Variants in FGF12 observed in about 807,000 individuals in gnomAD.
FGF12 encodes the protein fibroblast growth factor 12.
FGF12 carries 14 observed loss-of-function variants against 23.6 expected under a neutral mutation model. The observed-to-expected ratio is 0.59, with a 90% confidence interval of 0.39 to 0.93. The LOEUF (loss-of-function observed/expected upper bound fraction) is 0.93. FGF12 is among the 40% of genes least tolerant of loss of function. FGF12 has a pLI of 0.00. For synonymous variants in FGF12, 62 were observed against 77.3 expected (o/e 0.80, Z 1.04); for missense variants, 175 against 217.8 (o/e 0.80, Z 1.24).
rs752980480 is a variant in FGF12 at position 192,408,904 on chromosome 3, G to C, written c.14-48366C>G. ...GAGGTCTACAGAATGCATCGCGCCGGCTGCGGCTTTCCAGGGGCCGGCCAC... is the reference window on the plus strand; with the variant it reads ...GAGGTCTACAGAATGCATCGCGCCGCCTGCGGCTTTCCAGGGGCCGGCCAC... On this transcript the variant is annotated intron_variant, in intron 2 of 5. Transcript: ENST00000445105. This position sits in a 1 kb window ranked among gnomAD's most constrained non-coding sequence, Gnocchi z 7.3. The C allele has an allele frequency of 4.2e-5, 41 of 985,290 alleles. No individual in the cohort carries two copies. Among genetic ancestry groups the C allele is most frequent in the Non-Finnish European group, 4.9e-5 (41 of 829,972 alleles). The allele number at this position is 985,290 out of a possible 1,614,324, so 61.0% of individuals were successfully genotyped here.
At chr3:192,339,899 T>C (rs748780410) in intron 3 of FGF12, among the ~76,000 whole-genome samples, 2 of 152,184 alleles carry the variant, frequency 1.3e-5, no homozygotes, top group East Asian at 1.9e-4. Context: ...TGTTATTATA[T>C]GGGTTATGAC....
At chr3:192,501,974 TA>T (rs1442065878) in intron 2 of FGF12, among the ~76,000 whole-genome samples, 1 of 152,204 alleles carries the variant, frequency 6.6e-6, no homozygotes, top group Non-Finnish European at 1.5e-5. Context: ...TTCCCAAACC[TA>T]AAACATTCAA....
chr3:192,558,388 T>C (rs1711875230), intron 2 of FGF12, among the ~76,000 whole-genome samples: 3 of 151,666 alleles, frequency 2.0e-5, no homozygotes, highest in Admixed American at 2.0e-4. Flanking sequence ...GGTAAAAAAT[T>C]TGTACACTAA....
chr3:192,311,738 G>A (rs183321385), intron 4 of FGF12, among the ~76,000 whole-genome samples: 46 of 152,278 alleles, frequency 3.0e-4, no homozygotes, highest in African/African-American at 1.1e-3. Context: ...CTTACAAAAT[G>A]CCTGCACCAT....
intron 2 of FGF12, among the ~76,000 whole-genome samples, chr3:192,395,489 GA>G (rs373700421): frequency 4.5e-4 from 69 of 152,292 alleles, no homozygotes; most frequent in African/African-American, 1.6e-3. Flanking sequence ...TATATATGCA[GA>G]AATTCCCTCA....
Position 192,408,465 on chromosome 3 carries a change from G to C in FGF12, c.14-47927C>G. The C allele has an allele frequency of 7.4e-7, 1 of 1,356,050 alleles. No individual in the cohort carries two copies. 84.0% of individuals were successfully genotyped at this position (1,356,050 alleles called of 1,614,324 possible). ...TTCCCCAACCTCTGGCGGCCGGGGG[G>C]CGGGGCGGGGCGGTCCCAGGCCCTC... is the stretch of plus-strand genomic sequence containing the variant. On this transcript the variant is annotated intron_variant, in intron 2 of 5. Transcript: ENST00000445105. The surrounding 1 kb of genome is among the most constrained non-coding windows in gnomAD (Gnocchi z 7.3).
intron 2 of FGF12, among the ~76,000 whole-genome samples, chr3:192,683,331 G>A (rs1417570626): frequency 6.6e-6 from 1 of 152,166 alleles, no homozygotes; most frequent in Non-Finnish European, 1.5e-5. Flanking sequence ...ATACCTACTA[G>A]ACAATAATTA....
Position 192,409,582 on chromosome 3 carries a change from G to T in FGF12, c.14-49044C>A, listed in dbSNP as rs998726591. 6.6e-6 allele frequency among the ~76,000 whole-genome samples: 1 copy of T among 151,960 alleles called. No individual in the cohort carries two copies. The highest frequency in any genetic ancestry group is 1.5e-5 in the Non-Finnish European group (1 of 67,988). ...CACTCAGTCCCGCGCCGCCCATCCC[G>T]GCCGAGGAAGGAAGTGACCCGCGCG... On this transcript the variant is annotated intron_variant, in intron 2 of 5. Coordinates refer to ENST00000445105, the MANE Select transcript of FGF12 (RefSeq NM_004113.6). The surrounding 1 kb of genome is among the most constrained non-coding windows in gnomAD (Gnocchi z 4.8).
intron 2 of FGF12, among the ~76,000 whole-genome samples, chr3:192,397,601 T>C (rs1720579299): frequency 6.6e-6 from 1 of 152,242 alleles, no homozygotes; most frequent in African/African-American, 2.4e-5. Context: ...TTTGAGATCC[T>C]CTATATGTTC....
chr3:192,387,033 C>CA (rs370854012), intron 2 of FGF12, among the ~76,000 whole-genome samples: 7 of 151,960 alleles, frequency 4.6e-5, no homozygotes, highest in African/African-American at 9.6e-5. Flanking sequence ...GTAATATGAA[C>CA]AAAAAAAGGG....
intron 2 of FGF12, among the ~76,000 whole-genome samples, chr3:192,618,460 AAAAG>A (rs1449059531): frequency 6.6e-6 from 1 of 152,098 alleles, no homozygotes. Flanking sequence ...CTTCTAGGTG[AAAAG>A]AAGGAAGGAA....
At chr3:192,487,699 T>A (rs1005088915) in intron 2 of FGF12, among the ~76,000 whole-genome samples, 6 of 152,132 alleles carry the variant, frequency 3.9e-5, no homozygotes, top group Non-Finnish European at 7.4e-5. Context: ...GAATGTACAA[T>A]CCTAATTGTA....
chr3:192,479,970 A>C (rs1723434922), intron 2 of FGF12, among the ~76,000 whole-genome samples: 1 of 152,002 alleles, frequency 6.6e-6, no homozygotes, highest in Non-Finnish European at 1.5e-5. Context: ...TTTGAAAGAC[A>C]AAATTGGGAT....
Position 192,248,728 on chromosome 3 carries a change from G to A in FGF12, c.229-78072C>T, listed in dbSNP as rs1017618342. Among the ~76,000 whole-genome samples the A allele has an allele frequency of 5.9e-5, 9 of 152,160 alleles. No homozygotes were observed. The South Asian group carries it at 6.2e-4, about 11-fold the overall frequency. Reference sequence around the variant, plus strand: ...CGGGGGGATCCAGGCAGCAGTGAGCGGTGATTACACTACTGCATTCCAGCC... The same window carrying A: ...CGGGGGGATCCAGGCAGCAGTGAGCAGTGATTACACTACTGCATTCCAGCC... On this transcript the variant is annotated intron_variant, in intron 4 of 5. Coordinates refer to ENST00000445105, the MANE Select transcript of FGF12 (RefSeq NM_004113.6).
intron 2 of FGF12, among the ~76,000 whole-genome samples, chr3:192,513,254 T>C (rs573673859): frequency 5.6e-4 from 86 of 152,256 alleles, no homozygotes; most frequent in African/African-American, 2.0e-3. Context: ...CACGAAACTT[T>C]AACATAAAGC....
intron 2 of FGF12, among the ~76,000 whole-genome samples, chr3:192,391,688 A>AAATC (rs1380842420): frequency 6.6e-6 from 1 of 152,246 alleles, no homozygotes; most frequent in African/African-American, 2.4e-5. Context: ...TAGGTGCTGT[A>AAATC]AATCCTTCAT....
chr3:192,501,563 A>C (rs1327010238), intron 2 of FGF12, among the ~76,000 whole-genome samples: 2 of 152,230 alleles, frequency 1.3e-5, no homozygotes, highest in African/African-American at 4.8e-5. Flanking sequence ...CGTAATAGTA[A>C]CTACAAATAG....
intron 2 of FGF12, among the ~76,000 whole-genome samples, chr3:192,485,366 T>C (rs989963396): frequency 6.6e-6 from 1 of 152,104 alleles, no homozygotes; most frequent in African/African-American, 2.4e-5. Context: ...ATTGAGAAAA[T>C]GGAGTAATCA....
chr3:192,300,023 T>G lies in FGF12; in HGVS notation c.228+35338A>C, dbSNP rs191690119. The stretch of plus-strand genomic sequence containing the variant: ...TCATGTGATGCTCCACCTGTCCCAC[T>G]GGGGCCTATTTTCTCTATGGATTGT... On this transcript the variant is annotated intron_variant, in intron 4 of 5. Coordinates refer to ENST00000445105, the MANE Select transcript of FGF12 (RefSeq NM_004113.6). 3.0e-3 allele frequency among the ~76,000 whole-genome samples: 464 copies of G among 152,310 alleles called. 2 individuals carry two copies. The highest frequency in any genetic ancestry group is 3.0e-3 in the Non-Finnish European group (204 of 68,018).
Sources: gnomAD v4.1 joint callset for allele counts (sites outside exome capture counted in the v4.1 genomes callset) on GRCh38, gnomAD v4.1.1 for gene constraint, Gnocchi (gnomAD v3.1) non-coding constraint, MANE v1.5 for transcripts, NCBI Gene and HGNC (gene_info 2026-07-23, HGNC 2026-07-21) for gene names.